Variants in KLF7 observed in about 807,000 individuals in gnomAD.
KLF7 encodes KLF transcription factor 7.
Under a neutral mutation model 27.3 loss-of-function variants are expected in KLF7, and 2 were observed. The observed-to-expected ratio is 0.07, with a 90% CI of 0.03 to 0.23. The LOEUF (loss-of-function observed/expected upper bound fraction) is 0.23, where lower values mean the gene tolerates loss of function less well. Among genes scored for constraint, KLF7 ranks in the 10% least tolerant of loss-of-function variants. The pLI is 1.00. For synonymous variants in KLF7, 165 were observed against 162.4 expected, an observed-to-expected ratio of 1.02 and a Z score of -0.12; for missense variants, 221 against 394.1, an observed-to-expected ratio of 0.56 and a Z score of 3.72.
At chr2:207,157,495 A>G (rs1400152265) in intron 1 of KLF7, among the ~76,000 whole-genome samples, 4 of 152,208 alleles carry the variant, frequency 2.6e-5, no homozygotes. Flanking sequence ...CTTAATTTGG[A>G]TGGCATTTAC....
Position 207,075,107 on chromosome 2 carries a change from C to CT in KLF7, c.*6105dup, listed in dbSNP as rs1397503124. 6.6e-6 allele frequency: 1 copy of CT among 152,122 alleles called. No individual in the cohort carries two copies. The highest frequency in any genetic ancestry group is 2.4e-5 in the African/African-American group (1 of 41,430). 9.4% of individuals were successfully genotyped at this position (152,122 alleles called of 1,614,324 possible). Reference sequence around the variant, plus strand: ...AAAGTATTCCAAGGCCAAACACATTCTACTGTTTATTACACATATTACATT... The same window carrying CT: ...AAAGTATTCCAAGGCCAAACACATTCTTACTGTTTATTACACATATTACATT... On this transcript the variant is annotated 3_prime_UTR_variant, in exon 4 of 4. Coordinates refer to ENST00000309446, the MANE Select transcript of KLF7 (RefSeq NM_003709.4).
At chr2:207,090,578 A>C (rs2076488676) in intron 2 of KLF7, among the ~76,000 whole-genome samples, 1 of 152,232 alleles carries the variant, frequency 6.6e-6, no homozygotes, top group Admixed American at 6.5e-5. Flanking sequence ...AGAGGTTACT[A>C]GGAAGACAGG....
upstream of KLF7, among the ~76,000 whole-genome samples, chr2:207,170,169 GAA>G (rs2078775402): frequency 6.6e-6 from 1 of 152,118 alleles, no homozygotes; most frequent in South Asian, 2.1e-4. Flanking sequence ...CAGATGATAA[GAA>G]AGCAAAACAG....
At chr2:207,116,327 C>T (rs1245877777) in intron 2 of KLF7, among the ~76,000 whole-genome samples, 2 of 152,182 alleles carry the variant, frequency 1.3e-5, no homozygotes, top group African/African-American at 4.8e-5. Context: ...AAAGACAGGT[C>T]ACCTTACAAT....
chr2:207,105,209 C>T (rs372563053), intron 2 of KLF7, among the ~76,000 whole-genome samples: 7 of 152,186 alleles, frequency 4.6e-5, no homozygotes, highest in African/African-American at 1.4e-4. Context: ...ATTCTTAACC[C>T]GCACCTCAGT....
intron 1 of KLF7, among the ~76,000 whole-genome samples, chr2:207,145,513 T>G (rs1469291541): frequency 6.6e-6 from 1 of 152,204 alleles, no homozygotes; most frequent in Non-Finnish European, 1.5e-5. Context: ...CAGGTGTCAG[T>G]TGTAAGTGTT....
intron 1 of KLF7, among the ~76,000 whole-genome samples, chr2:207,153,767 T>C (rs1413921090): frequency 6.6e-6 from 1 of 152,162 alleles, no homozygotes; most frequent in African/African-American, 2.4e-5. Context: ...GGAAAGAGAC[T>C]AGACAAAGAA....
intron 2 of KLF7, among the ~76,000 whole-genome samples, chr2:207,096,593 T>C (rs762830925): frequency 7.9e-5 from 12 of 152,160 alleles, no homozygotes; most frequent in Non-Finnish European, 1.5e-4. Context: ...CAGAAGCAGC[T>C]TGGTGCTTTT....
rs1314135549 is a variant in KLF7 at position 207,165,526 on chromosome 2, G to C, written c.43C>G (p.Leu15Val). The change falls in exon 1 of 4, where the codon CTT becomes GTT. Residue 15 changes from leucine to valine, a missense_variant. Physicochemically the swap from Leu to Val is conservative, Grantham distance 32 (BLOSUM62 1). Transcript: ENST00000309446. ...ASYSIFQELQ[L>V]VHDTGYFSAL... ...GAGAAGTAGCCGGTGTCGTGGACAA[G>C]TTGTAGCTCCTGGAATATACTATAA... 1.2e-6 allele frequency: 2 copies of C among 1,613,990 alleles called. No homozygotes were observed. The highest frequency in any genetic ancestry group is 2.2e-5 in the East Asian group (1 of 44,872).
At chr2:207,151,960 A>C (rs1298211460) in intron 1 of KLF7, among the ~76,000 whole-genome samples, 1 of 152,232 alleles carries the variant, frequency 6.6e-6, no homozygotes, top group Non-Finnish European at 1.5e-5. Context: ...CCAATATAAA[A>C]GAAAACACTT....
rs139485673 is a variant in KLF7, at chr2:207,145,734, T to A, written c.102+19733A>T. 8.5e-4 allele frequency among the ~76,000 whole-genome samples: 129 copies of A among 152,302 alleles called. 1 individual carries two copies. The highest frequency in any genetic ancestry group is 3.1e-3 in the African/African-American group (128 of 41,552). On this transcript the variant is annotated intron_variant, in intron 1 of 3. Transcript: ENST00000309446. ...CAATTTAAACTTCTGTGCCTATTTA[T>A]CTTCCAGGTCCACCTCTAGACTTTA...
chr2:207,074,159 G>A lies in KLF7; in HGVS notation c.*7054C>T, dbSNP rs1036878635. On this transcript the variant is annotated 3_prime_UTR_variant, in exon 4 of 4. Transcript: ENST00000309446. ...CGGTTTCTAAAGTAAACATTTATTG[G>A]AAAGTTTCTTGTCAGATTCATTTGA... The A allele has an allele frequency of 2.0e-5, 3 of 152,182 alleles. No individual in the cohort carries two copies. Among genetic ancestry groups the A allele is most frequent in the Non-Finnish European group, 4.4e-5 (3 of 68,038 alleles). 9.4% of individuals were successfully genotyped at this position (152,182 alleles called of 1,614,324 possible).
chr2:207,142,263 A>G (rs543272989), intron 1 of KLF7, among the ~76,000 whole-genome samples: 152 of 152,330 alleles, frequency 1.0e-3, no homozygotes, highest in African/African-American at 3.4e-3. Context: ...ATTTTGCCCA[A>G]TAAGATAATG....
At chr2:207,169,572 A>G (rs367585971), upstream of KLF7, among the ~76,000 whole-genome samples, 2 of 152,222 alleles carry the variant, frequency 1.3e-5, 1 homozygote, top group South Asian at 4.1e-4. Context: ...ATTTTATTGT[A>G]CATAGCTTTA....
At chr2:207,134,020 C>A in intron 1 of KLF7, 1 of 1,458,890 alleles carries the variant, frequency 6.9e-7, no homozygotes. Flanking sequence ...ACTTTGCACA[C>A]ACACTCACAC....
intron 3 of KLF7, among the ~76,000 whole-genome samples, chr2:207,087,850 T>C (rs1430979352): frequency 1.3e-5 from 2 of 152,214 alleles, no homozygotes; most frequent in Non-Finnish European, 2.9e-5. Flanking sequence ...TACTATTGAA[T>C]GCAGAAGGCT....
At chr2:207,112,388 A>T (rs760225099) in intron 2 of KLF7, among the ~76,000 whole-genome samples, 1 of 152,114 alleles carries the variant, frequency 6.6e-6, no homozygotes, top group Non-Finnish European at 1.5e-5. Flanking sequence ...GGGTACTTTA[A>T]GTAGAAATGA....
rs1328841608 is a variant in KLF7 at position 207,078,338 on chromosome 2, CAA to C, written c.*2873_*2874del. On this transcript the variant is annotated 3_prime_UTR_variant, in exon 4 of 4. Coordinates refer to ENST00000309446, the MANE Select transcript of KLF7 (RefSeq NM_003709.4). ...CAGATTACAAAGGACCTCACTGATA[CAA>C]AAGAGAGAGAAATTACTGAACATTT... 1.3e-5 allele frequency: 2 copies of C among 152,134 alleles called. No individual in the cohort carries two copies. The highest frequency in any genetic ancestry group is 1.3e-4 in the Admixed American group (2 of 15,276). The allele number at this position is 152,134 out of a possible 1,614,324, so 9.4% of individuals were successfully genotyped here.
At chr2:207,150,357 A>G (rs1309139148) in intron 1 of KLF7, among the ~76,000 whole-genome samples, 4 of 152,220 alleles carry the variant, frequency 2.6e-5, no homozygotes, top group Non-Finnish European at 4.4e-5. Flanking sequence ...GAAATTTTTC[A>G]AAGTACCACA....
Sources: gnomAD v4.1 joint callset for allele counts (sites outside exome capture counted in the v4.1 genomes callset) on GRCh38, gnomAD v4.1.1 for gene constraint, MANE v1.5 for transcripts, NCBI Gene and HGNC (gene_info 2026-07-23, HGNC 2026-07-21) for gene names.